CLYBL: variants seen among roughly 807,000 people sequenced by gnomAD.
The protein encoded by CLYBL is citramalyl-CoA lyase, mitochondrial.
CLYBL carries 31 observed loss-of-function variants against 38.9 expected under a neutral mutation model. That is an observed-to-expected ratio of 0.80 (90% CI 0.60 to 1.08). The LOEUF is 1.08. Ranked by LOEUF, CLYBL falls within the 50% of genes least tolerant of loss-of-function variation. The pLI is 0.00. For missense variants in CLYBL, 434 were observed against 411.6 expected (o/e 1.05, Z -0.47); for synonymous variants, 171 against 158.6 (o/e 1.08, Z -0.59).
At chr13:99,737,449 G>A (rs1040871783) in intron 1 of CLYBL, among the ~76,000 whole-genome samples, 1 of 152,158 alleles carries the variant, frequency 6.6e-6, no homozygotes, top group African/African-American at 2.4e-5. Flanking sequence ...GATTTAAAGA[G>A]GTTAAGTAAC....
intron 2 of CLYBL, among the ~76,000 whole-genome samples, chr13:99,797,083 G>A (rs1410335898): frequency 1.3e-5 from 2 of 152,188 alleles, no homozygotes; most frequent in Non-Finnish European, 2.9e-5. Context: ...AACATTGATA[G>A]AAGCACCATG....
intron 4 of CLYBL, among the ~76,000 whole-genome samples, chr13:99,864,160 G>A (rs983482473): frequency 3.9e-5 from 6 of 152,134 alleles, no homozygotes; most frequent in Non-Finnish European, 8.8e-5. Flanking sequence ...CACTTACAAT[G>A]TCTGAAATTA....
intron 1 of CLYBL, among the ~76,000 whole-genome samples, chr13:99,653,711 A>G (rs759379078): frequency 9.3e-5 from 14 of 150,906 alleles, no homozygotes; most frequent in Non-Finnish European, 1.6e-4. Context: ...CTTCTCCTCC[A>G]CTTTTGAGTC....
chr13:99,647,088 T>C (rs749335861), intron 1 of CLYBL, among the ~76,000 whole-genome samples: 2 of 152,288 alleles, frequency 1.3e-5, no homozygotes, highest in African/African-American at 2.4e-5. Context: ...ATGGTGCTCA[T>C]GGGCCTGAGG....
At chr13:99,752,189 G>T (rs886262459) in intron 1 of CLYBL, among the ~76,000 whole-genome samples, 6 of 152,140 alleles carry the variant, frequency 3.9e-5, no homozygotes, top group African/African-American at 1.4e-4. Context: ...TGAAGCCGAC[G>T]GAGAGCATTA....
intron 2 of CLYBL, among the ~76,000 whole-genome samples, chr13:99,830,936 G>A (rs2050791591): frequency 6.6e-6 from 1 of 152,190 alleles, no homozygotes; most frequent in Non-Finnish European, 1.5e-5. Context: ...GATTATCTGG[G>A]TGGGCCCAAA....
At chr13:99,617,349 A>C (rs1470983675) in intron 1 of CLYBL, among the ~76,000 whole-genome samples, 1 of 152,174 alleles carries the variant, frequency 6.6e-6, no homozygotes, top group Non-Finnish European at 1.5e-5. Context: ...ATGGTCATTA[A>C]AAACATCATT....
intron 1 of CLYBL, among the ~76,000 whole-genome samples, chr13:99,611,338 G>A (rs2046623422): frequency 6.6e-6 from 1 of 152,174 alleles, no homozygotes; most frequent in African/African-American, 2.4e-5. Context: ...GCTGAAGTCA[G>A]CCTGCATAGA....
intron 2 of CLYBL, among the ~76,000 whole-genome samples, chr13:99,801,142 G>GC (rs892024639): frequency 2.6e-5 from 4 of 152,016 alleles, no homozygotes; most frequent in African/African-American, 7.3e-5. Flanking sequence ...GTCACCAGGT[G>GC]CCCCCCCTCC....
chr13:99,745,044 G>A (rs1002019519), intron 1 of CLYBL, among the ~76,000 whole-genome samples: 2 of 152,234 alleles, frequency 1.3e-5, no homozygotes, highest in Non-Finnish European at 2.9e-5. Flanking sequence ...CCCTTAGCAT[G>A]TCATTAGCAC....
intron 2 of CLYBL, among the ~76,000 whole-genome samples, chr13:99,795,263 G>A (rs562354288): frequency 6.6e-6 from 1 of 152,330 alleles, no homozygotes; most frequent in East Asian, 1.9e-4. Flanking sequence ...ACCTCCAAAA[G>A]TTAACAGTTG....
At chr13:99,702,593 T>C (rs7334160) in intron 1 of CLYBL, among the ~76,000 whole-genome samples, 119,339 of 149,156 alleles carry the variant, frequency 0.8, 47,777 homozygotes, top group Middle Eastern at 0.84. Flanking sequence ...GATCACACCA[T>C]GGCACTCCAG....
At chr13:99,627,037 T>G (rs1433669453) in intron 1 of CLYBL, among the ~76,000 whole-genome samples, 1 of 151,460 alleles carries the variant, frequency 6.6e-6, no homozygotes, top group African/African-American at 2.4e-5. Context: ...CTGGTGCTTT[T>G]GAATCTGAAA....
rs188948192 is a variant in CLYBL, at chr13:99,790,268, A to G, written c.249+17258A>G. Among the ~76,000 whole-genome samples, 462 of 152,286 alleles carry G rather than the reference A, an allele frequency of 3.0e-3. 1 individual carries two copies. The highest frequency in any genetic ancestry group is 0.01 in the African/African-American group (420 of 41,554). Reference sequence around the variant, plus strand: ...ATGTTAGCTGGTTATTTTGCCTGTTAGTTGATGCAGTTTCTTCCTAGCCTC... The same window carrying G: ...ATGTTAGCTGGTTATTTTGCCTGTTGGTTGATGCAGTTTCTTCCTAGCCTC... On this transcript the variant is annotated intron_variant, in intron 2 of 8. Transcript: ENST00000339105.
intron 1 of CLYBL, among the ~76,000 whole-genome samples, chr13:99,655,442 A>T (rs1212581576): frequency 1.3e-5 from 2 of 152,184 alleles, no homozygotes; most frequent in Non-Finnish European, 2.9e-5. Context: ...CAAAGGTGTG[A>T]CTCATGGAAT....
chr13:99,904,847 T>C (rs1010438252), intron 8 of CLYBL, among the ~76,000 whole-genome samples: 1 of 152,190 alleles, frequency 6.6e-6, no homozygotes, highest in African/African-American at 2.4e-5. Flanking sequence ...CTGCCCTCCC[T>C]GGGGGTCTCA....
At chr13:99,655,689 T>TTG (rs1251838560) in intron 1 of CLYBL, among the ~76,000 whole-genome samples, 2 of 152,204 alleles carry the variant, frequency 1.3e-5, no homozygotes, top group African/African-American at 4.8e-5. Flanking sequence ...TGTGTGGGCC[T>TTG]TGCTTGTGGG....
intron 2 of CLYBL, among the ~76,000 whole-genome samples, chr13:99,802,422 T>A (rs1252936057): frequency 6.6e-6 from 1 of 152,126 alleles, no homozygotes; most frequent in African/African-American, 2.4e-5. Context: ...CATAGCAGAA[T>A]GTAGCACATT....
intron 2 of CLYBL, among the ~76,000 whole-genome samples, chr13:99,791,771 C>G (rs914071127): frequency 1.3e-5 from 2 of 152,184 alleles, no homozygotes; most frequent in South Asian, 4.1e-4. Flanking sequence ...TGCTCCCAAA[C>G]AAGTGTCTGA....
Sources: allele counts gnomAD v4.1 joint callset (sites outside exome capture counted in the v4.1 genomes callset), GRCh38; gene constraint gnomAD v4.1.1; transcripts MANE v1.5; gene names NCBI Gene and HGNC (gene_info 2026-07-23, HGNC 2026-07-21).